The following UNC13B variants were observed in gnomAD, a reference collection of about 807,000 sequenced individuals.
UNC13B encodes the protein protein unc-13 homolog B.
A neutral mutation model predicts 211.0 loss-of-function variants in UNC13B; 144 were observed. The ratio of observed to expected loss-of-function variants is 0.68; its 90% CI spans 0.60 to 0.78. The LOEUF is 0.78. UNC13B is among the 30% of genes least tolerant of loss of function. UNC13B has a pLI of 0.00. For missense variants in UNC13B, 1,777 were observed against 2,002.0 expected, an observed-to-expected ratio of 0.89 and a Z score of 2.14; for synonymous variants, 709 against 725.8, an observed-to-expected ratio of 0.98 and a Z score of 0.37.
chr9:35,385,024 A>G (rs1356702595), intron 22 of UNC13B: 1 of 984,976 alleles, frequency 1.0e-6, no homozygotes, highest in African/African-American at 1.7e-5. Context: ...CATTTGCACA[A>G]ATAATGGACA....
At chr9:35,263,993 A>G (rs578174530) in intron 7 of UNC13B, among the ~76,000 whole-genome samples, 1 of 152,220 alleles carries the variant, frequency 6.6e-6, no homozygotes, top group Non-Finnish European at 1.5e-5. Flanking sequence ...AAGGCAATCC[A>G]AGAAGACTAC....
intron 1 of UNC13B, among the ~76,000 whole-genome samples, chr9:35,184,762 AAGG>A (rs1822250631): frequency 1.4e-4 from 4 of 28,186 alleles, no homozygotes; most frequent in South Asian, 1.9e-3. Context: ...GAAAGAAAGG[AAGG>A]AAGGAAGGAA....
At chr9:35,382,243 GGCA>G in intron 20 of UNC13B, 111 bp from the exon 21 acceptor site, 1 of 1,405,156 alleles carries the variant, frequency 7.1e-7, no homozygotes, top group Non-Finnish European at 9.7e-7. Flanking sequence ...GGCAAGAGAG[GGCA>G]GCAATTGCCC....
Position 35,390,688 on chromosome 9 carries a change from C to T in UNC13B, c.11282C>T (p.Ala3761Val). Reference protein sequence around the residue: ...VSAEVMWHLFAQDMKYALEEH... With the variant: ...VSAEVMWHLFVQDMKYALEEH... Reference sequence around the variant, plus strand: ...GCAGAAGTGATGTGGCATTTGTTTGCCCAAGACATGAAATATGCATTGGAG... The same window carrying T: ...GCAGAAGTGATGTGGCATTTGTTTGTCCAAGACATGAAATATGCATTGGAG... Residue 3761 changes from alanine to valine, a missense_variant, in exon 26 of 40, where the codon GCC (alanine) becomes GTC (valine). Ala to Val is a moderately conservative substitution (Grantham distance 64, BLOSUM62 0). Coordinates refer to ENST00000635942, the MANE Select transcript of UNC13B (RefSeq NM_001371189.2). 6.2e-7 allele frequency: 1 copy of T among 1,614,076 alleles called. No individual in the cohort carries two copies.
At chr9:35,211,006 A>C (rs1200913256) in intron 1 of UNC13B, among the ~76,000 whole-genome samples, 1 of 152,194 alleles carries the variant, frequency 6.6e-6, no homozygotes, top group Non-Finnish European at 1.5e-5. Flanking sequence ...AGTAGCTGGG[A>C]CTACAGGAGT....
intron 19 of UNC13B, 60 bp downstream of exon 19, chr9:35,381,275 A>C: frequency 1.4e-6 from 2 of 1,431,320 alleles, no homozygotes; most frequent in Non-Finnish European, 1.9e-6. Context: ...GCCTTTGGCC[A>C]TAAGTAGGAT....
intron 1 of UNC13B, among the ~76,000 whole-genome samples, chr9:35,168,436 T>A (rs1422508428): frequency 6.6e-6 from 1 of 152,190 alleles, no homozygotes; most frequent in East Asian, 1.9e-4. Flanking sequence ...TTTGGAGATC[T>A]CCAATTAGCT....
At chr9:35,209,189 T>TGG (rs1286049654) in intron 1 of UNC13B, among the ~76,000 whole-genome samples, 1 of 152,052 alleles carries the variant, frequency 6.6e-6, no homozygotes, top group East Asian at 1.9e-4. Context: ...TTCAGCCTCC[T>TGG]GAGTAGCTGG....
chr9:35,319,945 T>C (rs1830658254), intron 11 of UNC13B, among the ~76,000 whole-genome samples: 1 of 152,122 alleles, frequency 6.6e-6, no homozygotes, highest in South Asian at 2.1e-4. Context: ...ACAGGCATGA[T>C]TATAGGCCTG....
chr9:35,385,136 A>G, intron 22 of UNC13B: 1 of 985,438 alleles, frequency 1.0e-6, no homozygotes, highest in Non-Finnish European at 1.2e-6. Context: ...TCAGCTCTTC[A>G]TAGCAGCTCC....
Position 35,403,756 on chromosome 9 carries a change from G to A in UNC13B, c.12746G>A (p.Gly4249Glu), listed in dbSNP as rs1564204755. ...CTATCTTGTGCTCACAGCCTCCTGG[G>A]AAATGAGGAGGGGCCCGAGTCCTAT... is the stretch of plus-strand genomic sequence containing the variant. ...KYNETFHFLL[G>E]NEEGPESYEL... Residue 4249 changes from glycine (G) to glutamate (E), a missense_variant, in exon 40 of 40, where the codon GGA becomes GAA. By Grantham distance (98) the Gly-to-Glu change is moderately conservative (BLOSUM62 -2). Transcript: ENST00000635942. 6 of 1,613,994 alleles carry A rather than the reference G, an allele frequency of 3.7e-6. No homozygotes were observed. The highest frequency in any genetic ancestry group is 5.1e-6 in the Non-Finnish European group (6 of 1,180,000).
chr9:35,368,693 T>C lies in UNC13B; in HGVS notation c.9462-1625T>C, dbSNP rs1259961461. The stretch of plus-strand genomic sequence containing the variant: ...TCCTGCCAACAGTGTATAAGTGTTC[T>C]CTTTTCCCTGCAGCTTTGTCAGTAT... On this transcript the variant is annotated intron_variant, in intron 12 of 39. Transcript: ENST00000635942. Among the ~76,000 whole-genome samples the C allele has an allele frequency of 7.9e-5, 12 of 152,022 alleles. 1 individual carries two copies.
intron 3 of UNC13B, among the ~76,000 whole-genome samples, chr9:35,232,965 A>AG (rs1340323865): frequency 1.3e-5 from 2 of 152,116 alleles, no homozygotes; most frequent in African/African-American, 4.8e-5. Context: ...TTGGAAGCTG[A>AG]GGGAGAACTG....
intron 24 of UNC13B, among the ~76,000 whole-genome samples, chr9:35,387,245 C>A (rs10511921): frequency 6.6e-6 from 1 of 152,074 alleles, no homozygotes; most frequent in Non-Finnish European, 1.5e-5. Context: ...TGAGATAGAC[C>A]TTAAAAGGCA....
chr9:35,174,184 G>A (rs1445096442), intron 1 of UNC13B, among the ~76,000 whole-genome samples: 1 of 151,828 alleles, frequency 6.6e-6, no homozygotes, highest in Non-Finnish European at 1.5e-5. Flanking sequence ...TTTTGAGATA[G>A]TCTCACTCTG....
chr9:35,164,178 G>A (rs1820916620), intron 1 of UNC13B, among the ~76,000 whole-genome samples: 1 of 152,040 alleles, frequency 6.6e-6, no homozygotes, highest in African/African-American at 2.4e-5. Flanking sequence ...CACCAGGCCC[G>A]GCTAATTTTT....
In UNC13B at chr9:35,295,827, G is replaced by C. The variant is rs1417440480; in HGVS notation, c.658G>C (p.Val220Leu). 1 of 1,614,130 alleles carries C rather than the reference G, an allele frequency of 6.2e-7. No individual in the cohort carries two copies. The change falls in exon 8 of 40, where the codon GTG (valine) becomes CTG (leucine). Residue 220 changes from valine to leucine, a missense_variant. Transcript: ENST00000635942. ...NASVHQFPVP[V>L]RSPQQLLLQG... ...TTCTGTGCACCAGTTCCCTGTGCCG[G>C]TGCGATCGCCACAGCAGCTGCTACT...
intron 7 of UNC13B, among the ~76,000 whole-genome samples, chr9:35,293,634 T>C (rs1829202243): frequency 6.6e-6 from 1 of 152,214 alleles, no homozygotes; most frequent in South Asian, 2.1e-4. Flanking sequence ...GTTTTGTCTC[T>C]GGGTCCTATT....
At chr9:35,321,345 C>T (rs1464605871) in intron 11 of UNC13B, among the ~76,000 whole-genome samples, 4 of 152,108 alleles carry the variant, frequency 2.6e-5, no homozygotes, top group Non-Finnish European at 5.9e-5. Flanking sequence ...CTCAGCCTCC[C>T]AAGTAGCTGG....
Sources: gnomAD v4.1 joint callset for allele counts (sites outside exome capture counted in the v4.1 genomes callset) on GRCh38, gnomAD v4.1.1 for gene constraint, MANE v1.5 for transcripts, NCBI Gene and HGNC (gene_info 2026-07-23, HGNC 2026-07-21) for gene names.